DSCAML1: variants seen among roughly 807,000 people sequenced by gnomAD.
The protein encoded by DSCAML1 is DS cell adhesion molecule like 1, also known as cell adhesion molecule DSCAML1.
Under a neutral mutation model 200.5 loss-of-function variants are expected in DSCAML1, and 38 were observed. The ratio of observed to expected loss-of-function variants is 0.19; its 90% CI spans 0.15 to 0.25. The LOEUF (loss-of-function observed/expected upper bound fraction) is 0.25. Ranked by LOEUF, DSCAML1 falls within the 10% of genes least tolerant of loss-of-function variation. The pLI, the probability that DSCAML1 is intolerant of heterozygous loss-of-function variation, is 1.00. For synonymous variants in DSCAML1, 1,215 were observed against 1,165.0 expected (o/e 1.04, Z -0.87); for missense variants, 2,223 against 2,858.8 (o/e 0.78, Z 5.07).
chr11:117,447,132 A>G (rs2048195805), intron 20 of DSCAML1, among the ~76,000 whole-genome samples: 1 of 152,138 alleles, frequency 6.6e-6, no homozygotes, highest in South Asian at 2.1e-4. Context: ...CTACAAAAAT[A>G]CAAATATTAG....
intron 11 of DSCAML1, among the ~76,000 whole-genome samples, chr11:117,482,369 T>C (rs952985752): frequency 6.6e-6 from 1 of 152,224 alleles, no homozygotes; most frequent in Non-Finnish European, 1.5e-5. Flanking sequence ...GGGTCCCACA[T>C]TCCTCTTCTG....
chr11:117,775,938 C>T (rs564989084), intron 3 of DSCAML1, among the ~76,000 whole-genome samples: 1 of 152,276 alleles, frequency 6.6e-6, no homozygotes, highest in East Asian at 1.9e-4. Context: ...ATCACCTGGT[C>T]AAGCTGCTCC....
At chr11:117,624,002 G>A (rs1346501236) in intron 3 of DSCAML1, among the ~76,000 whole-genome samples, 1 of 152,202 alleles carries the variant, frequency 6.6e-6, no homozygotes, top group Non-Finnish European at 1.5e-5. Context: ...AGTGCAAAGA[G>A]AATAATAATG....
At chr11:117,781,769 T>C (rs1353948602) in intron 1 of DSCAML1, among the ~76,000 whole-genome samples, 4 of 152,258 alleles carry the variant, frequency 2.6e-5, no homozygotes, top group African/African-American at 7.2e-5. Context: ...CGCTTCCATC[T>C]CTGACATGGT....
chr11:117,619,041 T>C (rs1366918970), intron 3 of DSCAML1, among the ~76,000 whole-genome samples: 2 of 152,182 alleles, frequency 1.3e-5, no homozygotes. Flanking sequence ...ATTCCTGACC[T>C]GGCTTCTTTG....
chr11:117,429,654 A>G (rs765855932), intron 32 of DSCAML1, among the ~76,000 whole-genome samples: 6 of 152,324 alleles, frequency 3.9e-5, no homozygotes, highest in Non-Finnish European at 8.8e-5. Context: ...GATTACAGGC[A>G]TGAGCCGCCG....
At chr11:117,530,271 G>A (rs1205179915) in intron 4 of DSCAML1, among the ~76,000 whole-genome samples, 6 of 152,162 alleles carry the variant, frequency 3.9e-5, no homozygotes, top group African/African-American at 1.2e-4. Flanking sequence ...GCCCCCAAAA[G>A]CTAGAGGTCC....
At position 117,432,433 on chromosome 11, in the gene DSCAML1, T is replaced by C; in HGVS notation, c.5098A>G (p.Thr1700Ala). ...SQAVNPQSFC[T>A]GVSLHHPTLI... ...GTTGGGTGGTGCAAGGAGACGCCAG[T>C]ACAGAAGCTCTGTGGGTTGACAGCT... is the stretch of plus-strand genomic sequence containing the variant. Residue 1700 changes from threonine to alanine, a missense_variant, in exon 30 of 33, where the codon ACT becomes GCT. Transcript: ENST00000651296. 6.2e-7 allele frequency: 1 copy of C among 1,614,198 alleles called. No individual in the cohort carries two copies. Among genetic ancestry groups the C allele is most frequent in the East Asian group, 2.2e-5 (1 of 44,884 alleles).
chr11:117,795,594 C>G (rs1421347968), intron 1 of DSCAML1, among the ~76,000 whole-genome samples: 1 of 152,172 alleles, frequency 6.6e-6, no homozygotes, highest in Non-Finnish European at 1.5e-5. Flanking sequence ...GCCTGAGAAA[C>G]TCAACTACTT....
upstream of DSCAML1, among the ~76,000 whole-genome samples, chr11:117,800,174 C>T (rs1168050400): frequency 6.6e-6 from 1 of 152,188 alleles, no homozygotes; most frequent in African/African-American, 2.4e-5. Context: ...CAGGTTGGCT[C>T]AGATGTATTT....
intron 3 of DSCAML1, among the ~76,000 whole-genome samples, chr11:117,630,136 C>T (rs2052139632): frequency 6.6e-6 from 1 of 152,186 alleles, no homozygotes; most frequent in Non-Finnish European, 1.5e-5. Context: ...AGATGTCACC[C>T]CTCCTGCCCT....
In DSCAML1 at chr11:117,469,628, A is replaced by T. The variant is rs557717303; in HGVS notation, c.3024+282T>A. Among the ~76,000 whole-genome samples the T allele has an allele frequency of 3.3e-5, 5 of 152,184 alleles. No individual in the cohort carries two copies. In the East Asian group the frequency reaches 7.7e-4, roughly 24 times the overall value. ...GGACGACGGGCCAGCACCACCGAGG[A>T]ACCATCTTCCCTCCTTGGCACTGCA... is the stretch of plus-strand genomic sequence containing the variant. On this transcript the variant is annotated intron_variant, in intron 16 of 32. Transcript: ENST00000651296. This position sits in a 1 kb window ranked among gnomAD's most constrained non-coding sequence, Gnocchi z 4.1.
rs538296199 is a variant in DSCAML1, at chr11:117,796,226, G to A, written c.46+808C>T. ...CAGGTCTGGACATGCCGGACACCTG[G>A]ACCCACCCCTAGCAACCCCCTCTCT... On this transcript the variant is annotated intron_variant, in intron 1 of 32. Coordinates refer to ENST00000651296, the MANE Select transcript of DSCAML1 (RefSeq NM_020693.4). 5.9e-5 allele frequency among the ~76,000 whole-genome samples: 9 copies of A among 152,332 alleles called. No individual in the cohort carries two copies. The South Asian group carries it at 1.9e-3, about 32-fold the overall frequency.
At chr11:117,538,919 C>T (rs1386143867) in intron 3 of DSCAML1, among the ~76,000 whole-genome samples, 3 of 152,032 alleles carry the variant, frequency 2.0e-5, no homozygotes, top group Non-Finnish European at 4.4e-5. Flanking sequence ...GGCCAGCAGC[C>T]TCCTGACTGG....
chr11:117,435,964 G>A (rs2137071429), intron 26 of DSCAML1, among the ~76,000 whole-genome samples, 165 bp from the exon 27 acceptor site: 1 of 152,284 alleles, frequency 6.6e-6, no homozygotes, highest in South Asian at 2.1e-4. Context: ...CCAAATTCTG[G>A]TCCTATCAGG....
chr11:117,542,092 T>A (rs2050280045), intron 3 of DSCAML1, among the ~76,000 whole-genome samples: 1 of 152,002 alleles, frequency 6.6e-6, no homozygotes, highest in African/African-American at 2.4e-5. Context: ...GGTGGATCAC[T>A]TGAGGTCTGG....
intron 3 of DSCAML1, among the ~76,000 whole-genome samples, chr11:117,639,501 T>A (rs926544221): frequency 6.6e-6 from 1 of 150,944 alleles, no homozygotes; most frequent in Admixed American, 6.6e-5. Context: ...GGAGGCTGGA[T>A]GGGTAGGAGG....
chr11:117,521,755 C>T (rs1019117845), intron 5 of DSCAML1, among the ~76,000 whole-genome samples: 5 of 141,662 alleles, frequency 3.5e-5, no homozygotes, highest in Non-Finnish European at 6.1e-5. Context: ...CCACCCACCT[C>T]AGAAACCGGG....
At chr11:117,568,756 G>A (rs933127739) in intron 3 of DSCAML1, among the ~76,000 whole-genome samples, 95 of 152,286 alleles carry the variant, frequency 6.2e-4, no homozygotes, top group African/African-American at 2.2e-3. Flanking sequence ...CCATGCTCAC[G>A]GGTAGGAAGA....
Sources: gnomAD v4.1 joint callset for allele counts (sites outside exome capture counted in the v4.1 genomes callset) on GRCh38, gnomAD v4.1.1 for gene constraint, Gnocchi (gnomAD v3.1) non-coding constraint, MANE v1.5 for transcripts, NCBI Gene and HGNC (gene_info 2026-07-23, HGNC 2026-07-21) for gene names.